The following PAK5 variants were observed in gnomAD, a reference collection of about 807,000 sequenced individuals.
The protein encoded by PAK5 is serine/threonine-protein kinase PAK 5.
In PAK5, 16 loss-of-function variants were observed where a neutral mutation model predicts 65.9. That is an observed-to-expected ratio of 0.24 (90% confidence interval 0.16 to 0.37). The LOEUF (loss-of-function observed/expected upper bound fraction) is 0.37, where lower values mean the gene tolerates loss of function less well. Among genes scored for constraint, PAK5 ranks in the 10% least tolerant of loss-of-function variants. The pLI is 1.00. For synonymous variants in PAK5, 371 were observed against 354.9 expected (o/e 1.05, Z -0.51); for missense variants, 785 against 903.9 (o/e 0.87, Z 1.69).
intron 1 of PAK5, among the ~76,000 whole-genome samples, chr20:9,733,387 CTCTTTCTT>C (rs138872634): frequency 0.48 from 72,732 of 150,492 alleles, 17,586 homozygotes; most frequent in South Asian, 0.63. Flanking sequence ...TTACCAATCT[CTCTTTCTT>C]TCTTTCTTTC....
At chr20:9,712,993 C>CA (rs1425556328) in intron 1 of PAK5, among the ~76,000 whole-genome samples, 8 of 151,498 alleles carry the variant, frequency 5.3e-5, no homozygotes, top group African/African-American at 1.7e-4. Flanking sequence ...AAAGAATAGG[C>CA]AAAAAAACCA....
chr20:9,585,080 A>C (rs2046045479), intron 3 of PAK5, among the ~76,000 whole-genome samples: 1 of 152,202 alleles, frequency 6.6e-6, no homozygotes, highest in South Asian at 2.1e-4. Context: ...ACAATGCTTA[A>C]CTATATTAGA....
At chr20:9,618,912 TTCG>T (rs2046713792) in intron 3 of PAK5, among the ~76,000 whole-genome samples, 1 of 139,388 alleles carries the variant, frequency 7.2e-6, no homozygotes, top group Non-Finnish European at 1.5e-5. Flanking sequence ...CTCTCTTTCT[TTCG>T]TTTTTTTTTT....
intron 8 of PAK5, 138 bp from the exon 9 acceptor site, chr20:9,542,858 G>A (rs2045289050): frequency 1.3e-6 from 1 of 775,298 alleles, no homozygotes; most frequent in African/African-American, 1.8e-5. Context: ...AGATTTATAG[G>A]CTAAACTGCT....
chr20:9,558,854 C>T (rs546880486), intron 6 of PAK5, among the ~76,000 whole-genome samples: 1 of 152,200 alleles, frequency 6.6e-6, no homozygotes, highest in Admixed American at 6.5e-5. Flanking sequence ...CATGACTGCA[C>T]CCCTGTGGAG....
chr20:9,538,722 T>A lies in PAK5; in HGVS notation c.*740A>T, dbSNP rs1343817767. 1 of 233,294 alleles carries A rather than the reference T, an allele frequency of 4.3e-6. No individual in the cohort carries two copies. The allele number at this position is 233,294 out of a possible 1,614,324, so 14.5% of individuals were successfully genotyped here. A position where few individuals can be genotyped will look rare whatever the true frequency, so the allele number is the denominator to read the frequency against. On this transcript the variant is annotated 3_prime_UTR_variant, in exon 10 of 10. Transcript: ENST00000353224. Reference sequence around the variant, plus strand: ...GTGGTATACTGTGGCTCAAATTTTATTTCATTATTTTTGGTTGGATTAATG... The same window carrying A: ...GTGGTATACTGTGGCTCAAATTTTAATTCATTATTTTTGGTTGGATTAATG...
chr20:9,757,762 T>A (rs769263), intron 1 of PAK5, among the ~76,000 whole-genome samples: 1,820 of 152,268 alleles, frequency 0.012, 37 homozygotes, highest in African/African-American at 0.041. Flanking sequence ...TGTATACTGA[T>A]CTCCTTCATG....
chr20:9,776,343 G>A (rs1476678623), intron 1 of PAK5, among the ~76,000 whole-genome samples: 2 of 152,156 alleles, frequency 1.3e-5, no homozygotes, highest in Admixed American at 6.5e-5. Context: ...GTTTATCAAA[G>A]TGCCTGCTGT....
In PAK5 at chr20:9,611,200, G is replaced by A. The variant is rs577913795; in HGVS notation, c.205-30270C>T. On this transcript the variant is annotated intron_variant, in intron 3 of 9. Coordinates refer to ENST00000353224, the MANE Select transcript of PAK5 (RefSeq NM_177990.4). ...CCTGCATAGGCAGAGAAGTGGTAAT[G>A]CCGGGGAGTAATATGCCACTCTGGA... 1.5e-3 allele frequency among the ~76,000 whole-genome samples: 224 copies of A among 152,350 alleles called. No homozygotes were observed. In the South Asian group the frequency reaches 0.015, roughly 10 times the overall value.
chr20:9,769,658 T>C (rs371514161), intron 1 of PAK5, among the ~76,000 whole-genome samples: 120 of 152,356 alleles, frequency 7.9e-4, no homozygotes, highest in Middle Eastern at 6.8e-3. Context: ...ACAGACTTAA[T>C]ATACCTTTAG....
chr20:9,752,894 A>G (rs1422826741), intron 1 of PAK5, among the ~76,000 whole-genome samples: 2 of 152,108 alleles, frequency 1.3e-5, no homozygotes, highest in South Asian at 2.1e-4. Context: ...AAGCACGCCA[A>G]AAGTTCTGAG....
chr20:9,719,568 C>T (rs2123514148), intron 1 of PAK5, among the ~76,000 whole-genome samples: 1 of 152,052 alleles, frequency 6.6e-6, no homozygotes, highest in East Asian at 1.9e-4. Flanking sequence ...AATGTGTTGG[C>T]TTTTATTTTT....
In PAK5 at chr20:9,708,262, A is replaced by C. The variant is rs534511089; in HGVS notation, c.-12+3024T>G. ...TTGGAGGCAGACAAACTCGGGTTTG[A>C]ATCTCAACTGTATTTCCTATGTTAC... On this transcript the variant is annotated intron_variant, in intron 2 of 9. Transcript: ENST00000353224. Among the ~76,000 whole-genome samples, 3 of 152,244 alleles carry C rather than the reference A, an allele frequency of 2.0e-5. No individual in the cohort carries two copies. The South Asian group carries it at 6.2e-4, about 32-fold the overall frequency.
intron 1 of PAK5, among the ~76,000 whole-genome samples, chr20:9,771,967 G>A (rs1428426350): frequency 2.0e-5 from 3 of 152,102 alleles, no homozygotes; most frequent in Non-Finnish European, 4.4e-5. Flanking sequence ...GAACCCGAGA[G>A]GCCGAAGATA....
At chr20:9,776,288 T>C (rs1395303615) in intron 1 of PAK5, among the ~76,000 whole-genome samples, 2 of 152,202 alleles carry the variant, frequency 1.3e-5, no homozygotes, top group Non-Finnish European at 2.9e-5. Flanking sequence ...ATATCTTTGC[T>C]GCCCAAGAGT....
chr20:9,825,079 A>G (rs1026678997), intron 1 of PAK5, among the ~76,000 whole-genome samples: 2 of 152,216 alleles, frequency 1.3e-5, no homozygotes, highest in Non-Finnish European at 2.9e-5. Flanking sequence ...TGATCCTACT[A>G]GTTAAGTGAG....
chr20:9,687,886 GGTGTGT>G (rs111641971), intron 2 of PAK5, among the ~76,000 whole-genome samples: 30 of 148,720 alleles, frequency 2.0e-4, no homozygotes, highest in South Asian at 6.5e-4. Context: ...AAGAGAGGGA[GGTGTGT>G]GTGTGTGTGT....
rs142146784 is a variant in PAK5, at chr20:9,723,106, G to A, written c.-161-11671C>T. The stretch of plus-strand genomic sequence containing the variant: ...AAGCCATTGACGAGCGTGGAGCAGC[G>A]GGTGCATGATCTAACTTACATTTTA... On this transcript the variant is annotated intron_variant, in intron 1 of 9. Transcript: ENST00000353224. Among the ~76,000 whole-genome samples, 117 of 152,232 alleles carry A rather than the reference G, an allele frequency of 7.7e-4. No individual in the cohort carries two copies. The East Asian group carries it at 0.019, about 25-fold the overall frequency.
intron 1 of PAK5, among the ~76,000 whole-genome samples, chr20:9,796,872 G>A (rs2049110782): frequency 6.6e-6 from 1 of 152,092 alleles, no homozygotes; most frequent in Non-Finnish European, 1.5e-5. Context: ...ATCAGAGAAG[G>A]AGCATGATTT....
Sources: gnomAD v4.1 joint callset for allele counts (sites outside exome capture counted in the v4.1 genomes callset) on GRCh38, gnomAD v4.1.1 for gene constraint, MANE v1.5 for transcripts, NCBI Gene and HGNC (gene_info 2026-07-23, HGNC 2026-07-21) for gene names.